RAC3: variants seen among roughly 807,000 people sequenced by gnomAD.
RAC3 encodes the protein Rac family small GTPase 3, also known as ras-related C3 botulinum toxin substrate 3.
A neutral mutation model predicts 19.0 loss-of-function variants in RAC3; 9 were observed. That is an observed-to-expected ratio of 0.47 (90% CI 0.29 to 0.83). The LOEUF (loss-of-function observed/expected upper bound fraction) is 0.83. Among genes scored for constraint, RAC3 ranks in the 40% least tolerant of loss-of-function variants. The pLI is 0.09. For missense variants in RAC3, 203 were observed against 260.8 expected, an observed-to-expected ratio of 0.78 and a Z score of 1.53; for synonymous variants, 146 against 111.8, an observed-to-expected ratio of 1.31 and a Z score of -1.93.
rs1355542390 is a variant in RAC3, at chr17:82,032,969, C to T, written c.248C>T (p.Ser83Phe). 6.2e-7 allele frequency: 1 copy of T among 1,613,736 alleles called. No homozygotes were observed. The highest frequency in any genetic ancestry group is 1.1e-5 in the South Asian group (1 of 91,086). Residue 83 changes from serine (S) to phenylalanine (F), a missense_variant, in exon 4 of 6, where the codon TCT becomes TTT. By Grantham distance (155) the Ser-to-Phe change is radical. Coordinates refer to ENST00000306897, the MANE Select transcript of RAC3 (RefSeq NM_005052.3). The part of the protein sequence containing the change: ...PQTDVFLICF[S>F]LVSPASFENV... ...AAGGACGTCTTTCTGATCTGCTTCT[C>T]TCTGGTGAGCCCGGCCTCCTTCGAG...
chr17:82,032,269 C>A, intron 1 of RAC3, 118 bp from the exon 2 acceptor site: 1 of 905,072 alleles, frequency 1.1e-6, no homozygotes, highest in Non-Finnish European at 1.7e-6. Context: ...TGGGCTGGGT[C>A]CCCCTCTCGA....
In RAC3 at chr17:82,032,991, C is replaced by G. The variant is rs760103983; in HGVS notation, c.270C>G (p.Phe90Leu). 1 of 1,613,516 alleles carries G rather than the reference C, an allele frequency of 6.2e-7. No individual in the cohort carries two copies. The highest frequency in any genetic ancestry group is 2.2e-5 in the East Asian group (1 of 44,874). The change falls in exon 4 of 6, where the codon TTC (phenylalanine) becomes TTG (leucine). Residue 90 changes from phenylalanine to leucine, a missense_variant. Phe to Leu is a conservative substitution (Grantham distance 22). Coordinates refer to ENST00000306897, the MANE Select transcript of RAC3 (RefSeq NM_005052.3). ...TCTCTCTGGTGAGCCCGGCCTCCTT[C>G]GAGAATGTTCGTGCCAAGGTAGGGC... ...ICFSLVSPAS[F>L]ENVRAKWYPE...
In RAC3 at chr17:82,033,554, G is replaced by A. The variant is rs760221373; in HGVS notation, c.403G>A (p.Ala135Thr). Residue 135 changes from alanine to threonine, a missense_variant, in exon 5 of 6, where the codon GCA (alanine) becomes ACA (threonine). Coordinates refer to ENST00000306897, the MANE Select transcript of RAC3 (RefSeq NM_005052.3). This position sits in a 1 kb window ranked among gnomAD's most constrained non-coding sequence, Gnocchi z 6.2. ...TGAGCGGCTGCGGGACAAGAAGCTG[G>A]CACCCATCACCTACCCACAGGGCCT... ...TIERLRDKKL[A>T]PITYPQGLAM... 9 of 1,612,670 alleles carry A rather than the reference G, an allele frequency of 5.6e-6. No homozygotes were observed. In the East Asian group the frequency reaches 1.8e-4, roughly 32 times the overall value.
In RAC3 at chr17:82,032,879, G is replaced by A. The variant is rs371197598; in HGVS notation, c.225+51G>A. The A allele has an allele frequency of 1.0e-3, 1,655 of 1,609,312 alleles. 4 individuals are homozygous for A. The highest frequency in any genetic ancestry group is 1.1e-3 in the Non-Finnish European group (1,321 of 1,176,356). On this transcript the variant is annotated intron_variant, in intron 3 of 5. Transcript: ENST00000306897. Reference sequence around the variant, plus strand: ...GGAGCTGGGGGGGTCCCTGAGATCCGCACAAGGGAGGGAGCAGGGCCCTGG... The same window carrying A: ...GGAGCTGGGGGGGTCCCTGAGATCCACACAAGGGAGGGAGCAGGGCCCTGG...
In RAC3 at chr17:82,033,424, G is replaced by A; in HGVS notation, c.289-16G>A. ...GCCGACTCCGGGCCTAGGGATCAGA[G>A]CGTCTGTCCCTGCAGTGGTACCCGG... On this transcript the variant is annotated splice_polypyrimidine_tract_variant and intron_variant, in intron 4 of 5. Coordinates refer to ENST00000306897, the MANE Select transcript of RAC3 (RefSeq NM_005052.3). This position sits in a 1 kb window ranked among gnomAD's most constrained non-coding sequence, Gnocchi z 6.2. The A allele has an allele frequency of 1.3e-6, 2 of 1,577,552 alleles. No individual in the cohort carries two copies. Among genetic ancestry groups the A allele is most frequent in the East Asian group, 4.5e-5 (2 of 44,562 alleles).
intron 1 of RAC3, 90 bp downstream of exon 1, chr17:82,031,886 C>T (rs1001387664): frequency 1.3e-5 from 9 of 708,292 alleles, no homozygotes; most frequent in East Asian, 1.4e-4. Flanking sequence ...GCGGGGGTGG[C>T]GCCCGGGTCC....
At position 82,033,601 on chromosome 17, in the gene RAC3, T is replaced by C. The variant is rs2043454669; in HGVS notation, c.448+2T>C. The C allele has an allele frequency of 6.2e-7, 1 of 1,607,842 alleles. No homozygotes were observed. Among genetic ancestry groups the C allele is most frequent in the Non-Finnish European group, 8.5e-7 (1 of 1,176,628 alleles). On this transcript the variant is annotated splice_donor_variant, in intron 5 of 5. Coordinates refer to ENST00000306897, the MANE Select transcript of RAC3 (RefSeq NM_005052.3). LOFTEE classifies it high-confidence loss of function. The surrounding 1 kb of genome is among the most constrained non-coding windows in gnomAD (Gnocchi z 6.2). ...GCCTGGCCATGGCCCGGGAGATTGGTGGGTAGGCGCTGGCGGCCTGCAGGG... is the reference window on the plus strand; with the variant it reads ...GCCTGGCCATGGCCCGGGAGATTGGCGGGTAGGCGCTGGCGGCCTGCAGGG...
At position 82,033,115 on chromosome 17, in the gene RAC3, G is replaced by A; in HGVS notation, c.288+106G>A. On this transcript the variant is annotated intron_variant, in intron 4 of 5. Coordinates refer to ENST00000306897, the MANE Select transcript of RAC3 (RefSeq NM_005052.3). This position sits in a 1 kb window ranked among gnomAD's most constrained non-coding sequence, Gnocchi z 6.2. ...GCGATACGGGTTCTGCCTGGGGTAGGCACACGGAGTGGGGTCTGAAGATGA... is the reference window on the plus strand; with the variant it reads ...GCGATACGGGTTCTGCCTGGGGTAGACACACGGAGTGGGGTCTGAAGATGA... The A allele has an allele frequency of 7.8e-7, 1 of 1,287,848 alleles. No individual in the cohort carries two copies. Among genetic ancestry groups the A allele is most frequent in the Non-Finnish European group, 1.1e-6 (1 of 902,790 alleles). The allele number at this position is 1,287,848 out of a possible 1,614,324, so 79.8% of individuals were successfully genotyped here.
At chr17:82,032,597 G>T (rs2043441819) in intron 2 of RAC3, 114 bp from the exon 3 acceptor site, 2 of 1,433,960 alleles carry the variant, frequency 1.4e-6, no homozygotes, top group African/African-American at 1.4e-5. Flanking sequence ...GAGCTGAGGT[G>T]CTGGCCAGAG....
intron 3 of RAC3, 31 bp downstream of exon 3, chr17:82,032,859 T>G: frequency 6.2e-7 from 1 of 1,610,794 alleles, no homozygotes; most frequent in Non-Finnish European, 8.5e-7. Flanking sequence ...CCCCGGGAGC[T>G]GGGGGGGTCC....
In RAC3 at chr17:82,032,432, C is replaced by T. The variant is rs1166323368; in HGVS notation, c.81C>T (p.Ala27=). The T allele has an allele frequency of 3.7e-6, 6 of 1,612,914 alleles. No homozygotes were observed. The South Asian group carries it at 4.4e-5, about 12-fold the overall frequency. ...TGCTGATCAGCTACACGACCAACGC[C>T]TTCCCCGGAGAGTACATCCCCACCG... ...TCLLISYTTN[A]FPGEYIPTVF... is the part of the protein sequence containing the mutation. Residue 27 remains alanine, a synonymous_variant, in exon 2 of 6, where the codon GCC becomes GCT. Coordinates refer to ENST00000306897, the MANE Select transcript of RAC3 (RefSeq NM_005052.3).
Position 82,032,476 on chromosome 17 carries a change from C to T in RAC3, c.107+18C>T. Reference sequence around the variant, plus strand: ...CCCACCGTGTGAGTGTGGGGGCTTCCCGGGAGAGCACAGGCCCTCCGTGTG... The same window carrying T: ...CCCACCGTGTGAGTGTGGGGGCTTCTCGGGAGAGCACAGGCCCTCCGTGTG... On this transcript the variant is annotated intron_variant, in intron 2 of 5. Coordinates refer to ENST00000306897, the MANE Select transcript of RAC3 (RefSeq NM_005052.3). 1.2e-6 allele frequency: 2 copies of T among 1,611,856 alleles called. No individual in the cohort carries two copies. Among genetic ancestry groups the T allele is most frequent in the Admixed American group, 1.7e-5 (1 of 60,016 alleles).
chr17:82,032,746 G>A lies in RAC3; in HGVS notation c.143G>A (p.Gly48Glu), dbSNP rs746398911. The change falls in exon 3 of 6, where the codon GGG becomes GAG. Residue 48 changes from glycine to glutamate, a missense_variant. Transcript: ENST00000306897. Reference protein sequence around the residue: ...DNYSANVMVDGKPVNLGLWDT... With the variant: ...DNYSANVMVDEKPVNLGLWDT... ...TACTCTGCCAACGTGATGGTGGACG[G>A]GAAACCAGTCAACTTGGGGCTGTGG... 1 of 1,613,142 alleles carries A rather than the reference G, an allele frequency of 6.2e-7. No homozygotes were observed. The highest frequency in any genetic ancestry group is 1.1e-5 in the South Asian group (1 of 91,086).
Position 82,032,432 on chromosome 17 carries a change from C to G in RAC3, c.81C>G (p.Ala27=), listed in dbSNP as rs1166323368. The G allele has an allele frequency of 1.2e-6, 2 of 1,613,032 alleles. No individual in the cohort carries two copies. The highest frequency in any genetic ancestry group is 1.7e-6 in the Non-Finnish European group (2 of 1,179,964). The part of the protein sequence containing the change: ...TCLLISYTTN[A]FPGEYIPTVF... ...TGCTGATCAGCTACACGACCAACGCCTTCCCCGGAGAGTACATCCCCACCG... is the reference window on the plus strand; with the variant it reads ...TGCTGATCAGCTACACGACCAACGCGTTCCCCGGAGAGTACATCCCCACCG... Residue 27 remains alanine (A), a synonymous_variant, in exon 2 of 6, where the codon GCC becomes GCG. Coordinates refer to ENST00000306897, the MANE Select transcript of RAC3 (RefSeq NM_005052.3).
intron 3 of RAC3, 59 bp from the exon 4 acceptor site, chr17:82,032,888 A>G: frequency 6.2e-7 from 1 of 1,609,812 alleles, no homozygotes; most frequent in Non-Finnish European, 8.5e-7. Context: ...CGCACAAGGG[A>G]GGGAGCAGGG....
chr17:82,032,296 C>T, intron 1 of RAC3, 91 bp from the exon 2 acceptor site: 1 of 1,328,546 alleles, frequency 7.5e-7, no homozygotes, highest in Non-Finnish European at 1.1e-6. Flanking sequence ...ACGCCCCTAA[C>T]TCGCCTCTGG....
In RAC3 at chr17:82,033,844, C is replaced by A. The variant is rs554545404; in HGVS notation, c.*15C>A. The A allele has an allele frequency of 6.3e-7, 1 of 1,581,826 alleles. No individual in the cohort carries two copies. The highest frequency in any genetic ancestry group is 8.6e-7 in the Non-Finnish European group (1 of 1,164,310). ...CCGTCTTCTAGAGCCCTGGCCCACCCGAGCCTGAGGGCTGGCGGGGAGCAG... is the reference window on the plus strand; with the variant it reads ...CCGTCTTCTAGAGCCCTGGCCCACCAGAGCCTGAGGGCTGGCGGGGAGCAG... On this transcript the variant is annotated 3_prime_UTR_variant, in exon 6 of 6. Coordinates refer to ENST00000306897, the MANE Select transcript of RAC3 (RefSeq NM_005052.3). The surrounding 1 kb of genome is among the most constrained non-coding windows in gnomAD (Gnocchi z 6.2).
rs369411372 is a variant in RAC3 at position 82,033,679 on chromosome 17, C to A, written c.449-20C>A. Reference sequence around the variant, plus strand: ...TCCCTGTACCCCACCCTCACTGTCTCCCCTCCTCACTGCCGCTAGGCTCTG... The same window carrying A: ...TCCCTGTACCCCACCCTCACTGTCTACCCTCCTCACTGCCGCTAGGCTCTG... On this transcript the variant is annotated intron_variant, in intron 5 of 5. Coordinates refer to ENST00000306897, the MANE Select transcript of RAC3 (RefSeq NM_005052.3). This position sits in a 1 kb window ranked among gnomAD's most constrained non-coding sequence, Gnocchi z 6.2. 1.2e-6 allele frequency: 2 copies of A among 1,609,880 alleles called. No individual in the cohort carries two copies. The highest frequency in any genetic ancestry group is 1.3e-5 in the African/African-American group (1 of 74,842).
intron 1 of RAC3, 70 bp from the exon 2 acceptor site, chr17:82,032,317 G>C (rs1332457454): frequency 6.6e-7 from 1 of 1,507,826 alleles, no homozygotes; most frequent in African/African-American, 1.4e-5. Context: ...CTCCGGGAGA[G>C]GGGGCTGCCC....
Sources: gnomAD v4.1 joint callset for allele counts on GRCh38, gnomAD v4.1.1 for gene constraint, Gnocchi (gnomAD v3.1) non-coding constraint, MANE v1.5 for transcripts, NCBI Gene and HGNC (gene_info 2026-07-23, HGNC 2026-07-21) for gene names.